Variants in SMAP2 observed in about 807,000 individuals in gnomAD.
SMAP2 encodes stromal membrane-associated protein 2.
SMAP2 carries 25 observed loss-of-function variants against 56.4 expected under a neutral mutation model. The observed-to-expected ratio is 0.44, with a 90% CI of 0.32 to 0.62. The LOEUF (loss-of-function observed/expected upper bound fraction) is 0.62, where lower values mean the gene tolerates loss of function less well. Among genes scored for constraint, SMAP2 ranks in the 20% least tolerant of loss-of-function variants. The probability of loss-of-function intolerance (pLI) is 0.04; values close to 1 mark genes in which losing one functional copy is unlikely to be tolerated. For missense variants in SMAP2, 388 were observed against 545.6 expected (o/e 0.71, Z 2.88); for synonymous variants, 157 against 181.7 (o/e 0.86, Z 1.09).
At chr1:40,351,596 C>T (rs1257822248) in intron 1 of SMAP2, among the ~76,000 whole-genome samples, 1 of 152,136 alleles carries the variant, frequency 6.6e-6, no homozygotes, top group African/African-American at 2.4e-5. Flanking sequence ...CCTCTGCCTC[C>T]TGGGTCAAGC....
At position 40,422,141 on chromosome 1, in the gene SMAP2, C is replaced by A. The variant is rs566399278; in HGVS notation, c.*40C>A. The A allele has an allele frequency of 1.9e-6, 3 of 1,610,152 alleles. No homozygotes were observed. The highest frequency in any genetic ancestry group is 2.5e-6 in the Non-Finnish European group (3 of 1,178,628). On this transcript the variant is annotated 3_prime_UTR_variant, in exon 10 of 10. Transcript: ENST00000372718. Reference sequence around the variant, plus strand: ...TATGGCTGCCATTCTCTTCAGCCCTCGCTCTCCCCTTTCCACAGCCTCCAC... The same window carrying A: ...TATGGCTGCCATTCTCTTCAGCCCTAGCTCTCCCCTTTCCACAGCCTCCAC...
At chr1:40,364,406 T>C (rs945276710) in intron 2 of SMAP2, among the ~76,000 whole-genome samples, 1 of 152,008 alleles carries the variant, frequency 6.6e-6, no homozygotes. Context: ...CTGGGCAACA[T>C]AGCCAGATCC....
At chr1:40,348,753 G>A (rs190214318) in intron 1 of SMAP2, among the ~76,000 whole-genome samples, 21 of 152,048 alleles carry the variant, frequency 1.4e-4, no homozygotes, top group Non-Finnish European at 2.4e-4. Flanking sequence ...ATCAGTAGAA[G>A]AATAAAATAC....
intron 1 of SMAP2, among the ~76,000 whole-genome samples, chr1:40,357,783 A>G (rs748025179): frequency 1.8e-4 from 27 of 152,112 alleles, no homozygotes; most frequent in African/African-American, 6.0e-4. Flanking sequence ...CCATTTGTCT[A>G]TATGTCCATT....
At chr1:40,362,751 G>C (rs1644464645) in intron 2 of SMAP2, among the ~76,000 whole-genome samples, 1 of 152,130 alleles carries the variant, frequency 6.6e-6, no homozygotes, top group Non-Finnish European at 1.5e-5. Flanking sequence ...GCCTTGGTCA[G>C]TTATACTTGC....
At position 40,404,342 on chromosome 1, in the gene SMAP2, G is replaced by A. The variant is rs567949530; in HGVS notation, c.104-2394G>A. On this transcript the variant is annotated intron_variant, in intron 1 of 9. Coordinates refer to ENST00000372718, the MANE Select transcript of SMAP2 (RefSeq NM_022733.3). ...ATGTCAGGTAGGGATTTGGTGGGGA[G>A]AAGAGGCTGTTCTTTGGCTTTTCAT... Among the ~76,000 whole-genome samples the A allele has an allele frequency of 4.7e-3, 719 of 152,314 alleles. 5 individuals carry two copies. Among genetic ancestry groups the A allele is most frequent in the Non-Finnish European group, 8.4e-3 (572 of 68,024 alleles).
chr1:40,417,449 T>C (rs1047126222), intron 9 of SMAP2, among the ~76,000 whole-genome samples: 1 of 152,136 alleles, frequency 6.6e-6, no homozygotes, highest in African/African-American at 2.4e-5. Flanking sequence ...TCAAATGGCA[T>C]GGCAATGGGC....
intron 2 of SMAP2, among the ~76,000 whole-genome samples, chr1:40,364,153 C>T (rs1360437794): frequency 6.6e-6 from 1 of 152,084 alleles, no homozygotes; most frequent in East Asian, 1.9e-4. Flanking sequence ...ATGAGAGTTT[C>T]CTGTGGCAAT....
At chr1:40,365,543 T>C (rs1644478001) in intron 2 of SMAP2, among the ~76,000 whole-genome samples, 2 of 152,154 alleles carry the variant, frequency 1.3e-5, no homozygotes, top group Non-Finnish European at 2.9e-5. Flanking sequence ...GGAGCCAAGA[T>C]GGCCGAATAG....
At chr1:40,354,807 C>T (rs1460337009) in intron 1 of SMAP2, among the ~76,000 whole-genome samples, 61 of 84,478 alleles carry the variant, frequency 7.2e-4, no homozygotes, top group African/African-American at 2.7e-3. Flanking sequence ...GACAGAGTCT[C>T]ACTCTGTCAC....
intron 2 of SMAP2, among the ~76,000 whole-genome samples, chr1:40,367,822 AG>A (rs1442177109): frequency 6.9e-6 from 1 of 144,642 alleles, no homozygotes; most frequent in African/African-American, 2.6e-5. Context: ...CACATTCAAA[AG>A]CTAGCAGAAG....
chr1:40,352,819 C>T (rs965479015), intron 1 of SMAP2, among the ~76,000 whole-genome samples: 2 of 152,180 alleles, frequency 1.3e-5, no homozygotes, highest in Admixed American at 6.5e-5. Flanking sequence ...TGAGCCACCA[C>T]ACGCGGCGCC....
At chr1:40,375,829 C>CT in intron 1 of SMAP2, 1 of 600,166 alleles carries the variant, frequency 1.7e-6, no homozygotes, top group Non-Finnish European at 2.0e-6. Context: ...GACTAGAACC[C>CT]CCCCCCCCAT....
At chr1:40,411,972 G>A (rs12757084) in intron 4 of SMAP2, among the ~76,000 whole-genome samples, 13,150 of 151,774 alleles carry the variant, frequency 0.087, 659 homozygotes, top group East Asian at 0.17. Context: ...TAGACTTCTC[G>A]TGCCTTCATT....
chr1:40,351,784 G>C (rs889753045), intron 1 of SMAP2, among the ~76,000 whole-genome samples: 2 of 152,128 alleles, frequency 1.3e-5, no homozygotes, highest in Non-Finnish European at 2.9e-5. Flanking sequence ...GTACAGGGGT[G>C]AGCCACCGCG....
At chr1:40,394,894 A>G (rs1247350668) in intron 1 of SMAP2, among the ~76,000 whole-genome samples, 1 of 152,052 alleles carries the variant, frequency 6.6e-6, no homozygotes, top group African/African-American at 2.4e-5. Flanking sequence ...TCTGTATCCC[A>G]TCCCCAAATC....
chr1:40,354,985 T>C (rs560392114), intron 1 of SMAP2, among the ~76,000 whole-genome samples: 1 of 151,822 alleles, frequency 6.6e-6, no homozygotes, highest in African/African-American at 2.4e-5. Flanking sequence ...GGTTTCACCA[T>C]GTTTGTCAGG....
At chr1:40,409,649 C>T (rs1164620674) in intron 3 of SMAP2, 108 bp from the exon 4 acceptor site, 8 of 744,048 alleles carry the variant, frequency 1.1e-5, no homozygotes, top group Non-Finnish European at 1.6e-5. Flanking sequence ...GTGGGGAAAC[C>T]AGGCAAGAGG....
chr1:40,361,692 A>C (rs1418894384), intron 1 of SMAP2, among the ~76,000 whole-genome samples: 1 of 152,140 alleles, frequency 6.6e-6, no homozygotes, highest in Admixed American at 6.5e-5. Context: ...GAAGCCAGGG[A>C]GTACTTTCCG....
Sources: allele counts gnomAD v4.1 joint callset (sites outside exome capture counted in the v4.1 genomes callset), GRCh38; gene constraint gnomAD v4.1.1; transcripts MANE v1.5; gene names NCBI Gene and HGNC (gene_info 2026-07-23, HGNC 2026-07-21).